Variants in DCST1 observed in about 807,000 individuals in gnomAD.
DCST1 encodes the protein E3 ubiquitin-protein ligase DCST1.
In DCST1, 78 loss-of-function variants were observed where a neutral mutation model predicts 89.1. The ratio of observed to expected loss-of-function variants is 0.88; its 90% CI spans 0.73 to 1.06. The LOEUF is 1.06. Among genes scored for constraint, DCST1 ranks in the 50% least tolerant of loss-of-function variants. The probability of loss-of-function intolerance (pLI) is 0.00; values close to 1 mark genes in which losing one functional copy is unlikely to be tolerated. For missense variants in DCST1, 900 were observed against 928.6 expected, an observed-to-expected ratio of 0.97 and a Z score of 0.40; for synonymous variants, 364 against 371.9, an observed-to-expected ratio of 0.98 and a Z score of 0.24.
chr1:155,039,560 C>A (rs749519441), intron 5 of DCST1, 29 bp downstream of exon 5: 2 of 1,533,092 alleles, frequency 1.3e-6, no homozygotes, highest in East Asian at 2.4e-5. Flanking sequence ...GTGAGTTACA[C>A]TGAAGCAGTG....
At position 155,042,981 on chromosome 1, in the gene DCST1, G is replaced by T. The variant is rs1660482401; in HGVS notation, c.1014+125G>T. The T allele has an allele frequency of 4.2e-6, 5 of 1,202,052 alleles. No homozygotes were observed. In the East Asian group the frequency reaches 1.3e-4, roughly 32 times the overall value. 74.5% of individuals were successfully genotyped at this position (1,202,052 alleles called of 1,614,324 possible). ...AAGAGGTGACCAGGGGTGAGGGAGG[G>T]GGACAAGGAGGGGGAATGTCGCTGG... On this transcript the variant is annotated intron_variant, in intron 9 of 16. Transcript: ENST00000295542.
Position 155,047,794 on chromosome 1 carries a change from G to A in DCST1, c.1620G>A (p.Leu540=), listed in dbSNP as rs755873246. Residue 540 remains leucine (L), a synonymous_variant, in exon 15 of 17, where the codon CTG becomes CTA. Transcript: ENST00000295542. The part of the protein sequence containing the change: ...TVMESNNMPC[L]PQPVGLDARA... ...GGCCTGCCCCTCCCCTAGCCTGCCT[G>A]CCCCAGCCTGTGGGCCTGGATGCCA... is the stretch of plus-strand genomic sequence containing the variant. 3.1e-6 allele frequency: 5 copies of A among 1,613,722 alleles called. No homozygotes were observed. Among genetic ancestry groups the A allele is most frequent in the Admixed American group, 1.7e-5 (1 of 60,012 alleles).
At position 155,050,749 on chromosome 1, in the gene DCST1, G is replaced by A. The variant is rs373648945; in HGVS notation, c.2002G>A (p.Val668Met). 9 of 1,610,784 alleles carry A rather than the reference G, an allele frequency of 5.6e-6. No homozygotes were observed. Among genetic ancestry groups the A allele is most frequent in the Middle Eastern group, 1.6e-4 (1 of 6,078 alleles). Reference protein sequence around the residue: ...YVCRTLDCEAVYCWSCWDDMR... With the variant: ...YVCRTLDCEAMYCWSCWDDMR... ...GTGCCGGACGCTGGACTGCGAGGCCGTGTACTGCTGGTCGTGCTGGGACGA... is the reference window on the plus strand; with the variant it reads ...GTGCCGGACGCTGGACTGCGAGGCCATGTACTGCTGGTCGTGCTGGGACGA... Residue 668 changes from valine to methionine, a missense_variant, in exon 17 of 17, where the codon GTG (valine) becomes ATG (methionine). Transcript: ENST00000295542.
At chr1:155,048,653 C>T (rs1418816552) in intron 16 of DCST1, among the ~76,000 whole-genome samples, 2 of 152,172 alleles carry the variant, frequency 1.3e-5, no homozygotes, top group African/African-American at 4.8e-5. Context: ...CATCCAGCTC[C>T]TAAGGTCAGG....
chr1:155,040,788 T>G (rs1411069176), intron 6 of DCST1, among the ~76,000 whole-genome samples, 164 bp downstream of exon 6: 1 of 152,244 alleles, frequency 6.6e-6, no homozygotes, highest in Non-Finnish European at 1.5e-5. Flanking sequence ...CTGGTCCTGG[T>G]GTTAAATGCC....
chr1:155,039,244 G>A (rs1222940144), intron 4 of DCST1, among the ~76,000 whole-genome samples, 159 bp from the exon 5 acceptor site: 3 of 152,214 alleles, frequency 2.0e-5, no homozygotes, highest in Admixed American at 1.3e-4. Context: ...ATGAATGAAT[G>A]AGTGGCCCAG....
intron 9 of DCST1, among the ~76,000 whole-genome samples, 174 bp from the exon 10 acceptor site, chr1:155,043,178 G>A (rs1660486496): frequency 6.6e-6 from 1 of 152,140 alleles, no homozygotes; most frequent in African/African-American, 2.4e-5. Context: ...TAGGTGCAGG[G>A]GAGCAAGACT....
intron 13 of DCST1, among the ~76,000 whole-genome samples, chr1:155,046,986 T>A (rs899373486): frequency 1.3e-5 from 2 of 152,098 alleles, no homozygotes; most frequent in African/African-American, 4.8e-5. Flanking sequence ...CCCTGCAACC[T>A]GACAGCTCTC....
Position 155,041,728 on chromosome 1 carries a change from G to A in DCST1, c.763G>A (p.Ala255Thr), listed in dbSNP as rs772136464. 3.1e-6 allele frequency: 5 copies of A among 1,614,196 alleles called. No individual in the cohort carries two copies. The highest frequency in any genetic ancestry group is 3.4e-6 in the Non-Finnish European group (4 of 1,180,026). The change falls in exon 8 of 17, where the codon GCC becomes ACC. Residue 255 changes from alanine to threonine, a missense_variant. Coordinates refer to ENST00000295542, the MANE Select transcript of DCST1 (RefSeq NM_152494.4). ...CCTTCCTACAGATGTGGTGAACCAG[G>A]CCATACTCAGCTGCCGTCGTTGGTT... ...KLRCSYVVNQ[A>T]ILSCRRWFDR...
At chr1:155,042,113 T>G (rs1175160599) in intron 8 of DCST1, among the ~76,000 whole-genome samples, 1 of 152,148 alleles carries the variant, frequency 6.6e-6, no homozygotes, top group Non-Finnish European at 1.5e-5. Flanking sequence ...TTTTTTTTTT[T>G]GAGACGGGGT....
chr1:155,041,802 C>T lies in DCST1; in HGVS notation c.837C>T (p.Leu279=). The T allele has an allele frequency of 6.2e-7, 1 of 1,614,248 alleles. No homozygotes were observed. The highest frequency in any genetic ancestry group is 8.5e-7 in the Non-Finnish European group (1 of 1,180,050). ...TGAAGCACATCTGGGTCCCACTCCT[C>T]ACCCACCTGCTCTGCCTGCCTATGA... ...QCMKHIWVPL[L]THLLCLPMKF... is the part of the protein sequence containing the mutation. The change falls in exon 8 of 17, where the codon CTC becomes CTT. Residue 279 remains leucine, a synonymous_variant. Transcript: ENST00000295542.
intron 16 of DCST1, among the ~76,000 whole-genome samples, chr1:155,050,250 T>C (rs948332721): frequency 6.6e-6 from 1 of 152,244 alleles, no homozygotes; most frequent in African/African-American, 2.4e-5. Flanking sequence ...TTACTATCTG[T>C]GTGACTTTGA....
chr1:155,046,486 A>C lies in DCST1; in HGVS notation c.1495A>C (p.Ser499Arg). Residue 499 changes from serine (S) to arginine (R), a missense_variant and splice_region_variant, in exon 13 of 17, where the codon AGC becomes CGC. Ser to Arg is a moderately radical substitution (Grantham distance 110). Coordinates refer to ENST00000295542, the MANE Select transcript of DCST1 (RefSeq NM_152494.4). ...CTCCTTCCTGCAGTACTCCTTCCGCAGTAAGCCCATCCCCCAGACACATTC... is the reference window on the plus strand; with the variant it reads ...CTCCTTCCTGCAGTACTCCTTCCGCCGTAAGCCCATCCCCCAGACACATTC... ...HHSFLQYSFR[S>R]SHKLEVKVGG... The C allele has an allele frequency of 6.2e-7, 1 of 1,613,590 alleles. No individual in the cohort carries two copies. The highest frequency in any genetic ancestry group is 8.5e-7 in the Non-Finnish European group (1 of 1,179,874).
At chr1:155,039,561 T>C (rs1402394478) in intron 5 of DCST1, 30 bp downstream of exon 5, 2 of 1,529,384 alleles carry the variant, frequency 1.3e-6, no homozygotes, top group East Asian at 2.4e-5. Flanking sequence ...TGAGTTACAC[T>C]GAAGCAGTGA....
chr1:155,049,177 G>C (rs759208958), intron 16 of DCST1: 1 of 666,678 alleles, frequency 1.5e-6, no homozygotes, highest in Admixed American at 2.2e-5. Flanking sequence ...TTGAGCACAT[G>C]ACTTAACTGC....
At position 155,040,570 on chromosome 1, in the gene DCST1, CG is replaced by C. The variant is rs772745235; in HGVS notation, c.478del (p.Ala160GlnfsTer18). On this transcript the variant is annotated frameshift_variant, in exon 6 of 17. Transcript: ENST00000295542. LOFTEE classifies it high-confidence loss of function. ...TGGAGCTGCAGATCAACAACACCCG[CG>C]CAGCTTGGCGCATCTCCACAGCCCC... ...TVELQINNTR[A>X]AWRISTAPLR... The C allele has an allele frequency of 1.3e-5, 20 of 1,587,206 alleles. No individual in the cohort carries two copies. Among genetic ancestry groups the C allele is most frequent in the Non-Finnish European group, 1.6e-5 (19 of 1,165,796 alleles).
At position 155,043,388 on chromosome 1, in the gene DCST1, A is replaced by G; in HGVS notation, c.1051A>G (p.Ser351Gly). The change falls in exon 10 of 17, where the codon AGC becomes GGC. Residue 351 changes from serine to glycine, a missense_variant. Physicochemically the swap from Ser to Gly is moderately conservative, Grantham distance 56 (BLOSUM62 0). Transcript: ENST00000295542. ...KQAGVLGLNT[S>G]WERVSTEVRD... is the part of the protein sequence containing the mutation. The stretch of plus-strand genomic sequence containing the variant: ...GGCTGGGGTGCTGGGGCTCAACACA[A>G]GCTGGGAGCGCGTGAGCACCGAGGT... The G allele has an allele frequency of 6.2e-7, 1 of 1,614,032 alleles. No homozygotes were observed. The highest frequency in any genetic ancestry group is 8.5e-7 in the Non-Finnish European group (1 of 1,179,972).
intron 16 of DCST1, 75 bp downstream of exon 16, chr1:155,048,245 A>G: frequency 1.7e-6 from 2 of 1,207,560 alleles, no homozygotes; most frequent in Non-Finnish European, 2.4e-6. Flanking sequence ...AGCTCCCTTC[A>G]GTCCACCCAG....
At chr1:155,037,990 G>A (rs915791895) in intron 4 of DCST1, among the ~76,000 whole-genome samples, 1 of 152,246 alleles carries the variant, frequency 6.6e-6, no homozygotes, top group Non-Finnish European at 1.5e-5. Context: ...TCAGGGGCTG[G>A]GGCAGGGCCA....
Sources: gnomAD v4.1 joint callset for allele counts (sites outside exome capture counted in the v4.1 genomes callset) on GRCh38, gnomAD v4.1.1 for gene constraint, MANE v1.5 for transcripts, NCBI Gene and HGNC (gene_info 2026-07-23, HGNC 2026-07-21) for gene names.